ZBTB20: variants seen among roughly 807,000 people sequenced by gnomAD.
ZBTB20 encodes zinc finger and BTB domain-containing protein 20.
ZBTB20 carries 9 observed loss-of-function variants against 56.9 expected under a neutral mutation model. The observed-to-expected ratio is 0.16, with a 90% CI of 0.10 to 0.28. The LOEUF (loss-of-function observed/expected upper bound fraction) is 0.28. Ranked by LOEUF, ZBTB20 falls within the 10% of genes least tolerant of loss-of-function variation. The pLI is 1.00. For missense variants in ZBTB20, 655 were observed against 1,003.0 expected, an observed-to-expected ratio of 0.65 and a Z score of 4.69; for synonymous variants, 417 against 420.7, an observed-to-expected ratio of 0.99 and a Z score of 0.11.
chr3:114,983,516 C>T (rs1223007390), intron 2 of ZBTB20, among the ~76,000 whole-genome samples: 1 of 151,886 alleles, frequency 6.6e-6, no homozygotes. Context: ...CTGATGAAAG[C>T]TAATAGTAAA....
intron 4 of ZBTB20, among the ~76,000 whole-genome samples, chr3:114,842,758 A>G (rs1353605349): frequency 6.6e-6 from 1 of 152,220 alleles, no homozygotes; most frequent in Non-Finnish European, 1.5e-5. Context: ...ATGGAAACGT[A>G]TAGGTTAGTG....
At chr3:114,681,825 T>G (rs2061991134) in intron 6 of ZBTB20, among the ~76,000 whole-genome samples, 1 of 152,174 alleles carries the variant, frequency 6.6e-6, no homozygotes, top group Non-Finnish European at 1.5e-5. Context: ...ATAAAGCTAG[T>G]TAGCCGCTGT....
intron 6 of ZBTB20, among the ~76,000 whole-genome samples, chr3:114,531,424 T>C (rs769117158): frequency 3.3e-5 from 5 of 152,214 alleles, no homozygotes; most frequent in Non-Finnish European, 7.3e-5. Context: ...ATTACTACTA[T>C]GAATTTCTTT....
chr3:115,046,792 C>A (rs144008572), intron 2 of ZBTB20, among the ~76,000 whole-genome samples: 2 of 152,108 alleles, frequency 1.3e-5, no homozygotes, highest in African/African-American at 2.4e-5. Flanking sequence ...ATGACACTTT[C>A]GCAGTCAACA....
intron 7 of ZBTB20, among the ~76,000 whole-genome samples, chr3:114,400,212 T>G (rs2086695228): frequency 6.6e-6 from 1 of 152,284 alleles, no homozygotes; most frequent in Middle Eastern, 3.4e-3. Context: ...CACTAACTTT[T>G]GTGAGTCTTA....
At chr3:114,714,847 A>G (rs2064349916) in intron 5 of ZBTB20, among the ~76,000 whole-genome samples, 1 of 152,252 alleles carries the variant, frequency 6.6e-6, no homozygotes, top group African/African-American at 2.4e-5. Flanking sequence ...ATCACACAGG[A>G]GAATTAAGAA....
chr3:114,598,830 G>A lies in ZBTB20; in HGVS notation c.-295+94698C>T, dbSNP rs114643656. ...AAACTTGAAAACACTAAAAAAGCAT[G>A]AAGTATATCAACAAACAGCCTTGTA... On this transcript the variant is annotated intron_variant, in intron 6 of 11. Coordinates refer to ENST00000675478, the MANE Select transcript of ZBTB20 (RefSeq NM_001348800.3). 7.3e-3 allele frequency among the ~76,000 whole-genome samples: 1,118 copies of A among 152,114 alleles called. 17 individuals are homozygous for A. The highest frequency in any genetic ancestry group is 0.025 in the African/African-American group (1,024 of 41,520).
intron 3 of ZBTB20, among the ~76,000 whole-genome samples, chr3:114,909,522 T>C (rs2075445698): frequency 6.6e-6 from 1 of 152,058 alleles, no homozygotes; most frequent in African/African-American, 2.4e-5. Context: ...TAGCATACAG[T>C]AATGTCCTAG....
intron 7 of ZBTB20, among the ~76,000 whole-genome samples, chr3:114,389,587 CTA>C (rs1416139271): frequency 2.0e-5 from 3 of 151,538 alleles, no homozygotes; most frequent in Non-Finnish European, 4.4e-5. Flanking sequence ...CTAAATCAAA[CTA>C]ATTAAAATAT....
intron 2 of ZBTB20, among the ~76,000 whole-genome samples, chr3:114,999,111 AAAGGG>A (rs1189242539): frequency 1.4e-5 from 2 of 140,926 alleles, no homozygotes; most frequent in African/African-American, 2.7e-5. Flanking sequence ...AGGAGGAAGG[AAAGGG>A]AAGGGAAGGG....
At chr3:114,902,826 G>A (rs1471849159) in intron 3 of ZBTB20, among the ~76,000 whole-genome samples, 1 of 152,134 alleles carries the variant, frequency 6.6e-6, no homozygotes, top group Non-Finnish European at 1.5e-5. Context: ...GGTTAATCCT[G>A]CTAAAAGACA....
At chr3:114,588,106 A>G (rs1187443554) in intron 6 of ZBTB20, among the ~76,000 whole-genome samples, 1 of 152,012 alleles carries the variant, frequency 6.6e-6, no homozygotes, top group Non-Finnish European at 1.5e-5. Flanking sequence ...TATTACTTCC[A>G]GGGGGCCTTC....
At chr3:114,821,592 T>G (rs1024161658) in intron 4 of ZBTB20, among the ~76,000 whole-genome samples, 1 of 152,042 alleles carries the variant, frequency 6.6e-6, no homozygotes, top group Non-Finnish European at 1.5e-5. Context: ...ACAAGTTCCT[T>G]GCGCCCGACC....
intron 4 of ZBTB20, among the ~76,000 whole-genome samples, chr3:114,892,986 C>A (rs183082370): frequency 2.0e-4 from 30 of 152,290 alleles, no homozygotes; most frequent in African/African-American, 6.0e-4. Context: ...GTCACTGAGG[C>A]CTTATGGATA....
chr3:114,558,626 T>C (rs764275758), intron 6 of ZBTB20, among the ~76,000 whole-genome samples: 1 of 152,140 alleles, frequency 6.6e-6, no homozygotes, highest in Non-Finnish European at 1.5e-5. Context: ...AACTATTAAC[T>C]GGGATTACTT....
At chr3:114,434,250 C>T (rs1576741983) in intron 7 of ZBTB20, among the ~76,000 whole-genome samples, 1 of 152,028 alleles carries the variant, frequency 6.6e-6, no homozygotes, top group Non-Finnish European at 1.5e-5. Flanking sequence ...GTGCAAAATG[C>T]TCTCGGTAGG....
chr3:114,343,747 T>C (rs558456839), intron 11 of ZBTB20, among the ~76,000 whole-genome samples: 15 of 152,310 alleles, frequency 9.8e-5, no homozygotes, highest in Middle Eastern at 3.4e-3. Context: ...GAGACGTCTG[T>C]TTAAAAGGGG....
chr3:114,577,676 C>T (rs2054227873), intron 6 of ZBTB20, among the ~76,000 whole-genome samples: 1 of 152,108 alleles, frequency 6.6e-6, no homozygotes, highest in African/African-American at 2.4e-5. Context: ...CTGAACCTGG[C>T]TTACTACTTT....
chr3:115,119,678 C>A (rs2084124709), intron 1 of ZBTB20, among the ~76,000 whole-genome samples: 1 of 152,062 alleles, frequency 6.6e-6, no homozygotes, highest in Non-Finnish European at 1.5e-5. Flanking sequence ...GTGTTTATTT[C>A]TATTTTATCT....
Sources: gnomAD v4.1 joint callset for allele counts (sites outside exome capture counted in the v4.1 genomes callset) on GRCh38, gnomAD v4.1.1 for gene constraint, MANE v1.5 for transcripts, NCBI Gene and HGNC (gene_info 2026-07-23, HGNC 2026-07-21) for gene names.